The following SLC25A21 variants were observed in gnomAD, a reference collection of about 807,000 sequenced individuals.
SLC25A21 encodes mitochondrial 2-oxodicarboxylate carrier.
In SLC25A21, 47 loss-of-function variants were observed where a neutral mutation model predicts 43.8. The observed-to-expected ratio is 1.07, with a 90% CI of 0.85 to 1.37. The LOEUF (loss-of-function observed/expected upper bound fraction) is 1.37. SLC25A21 is among the 40% of genes most tolerant of loss of function. The pLI is 0.00. For missense variants in SLC25A21, 352 were observed against 350.2 expected, an observed-to-expected ratio of 1.00 and a Z score of -0.04; for synonymous variants, 131 against 121.3, an observed-to-expected ratio of 1.08 and a Z score of -0.52.
intron 6 of SLC25A21, among the ~76,000 whole-genome samples, chr14:36,713,360 T>C (rs1883975391): frequency 6.6e-6 from 1 of 152,206 alleles, no homozygotes; most frequent in African/African-American, 2.4e-5. Flanking sequence ...TGAAAAGAGA[T>C]TTCTCCTAGA....
At chr14:36,737,685 A>G (rs1407160544) in intron 3 of SLC25A21, among the ~76,000 whole-genome samples, 2 of 152,190 alleles carry the variant, frequency 1.3e-5, no homozygotes, top group Non-Finnish European at 2.9e-5. Flanking sequence ...GTATAATATG[A>G]TACAATATGA....
At chr14:36,912,287 T>C (rs532400634) in intron 1 of SLC25A21, among the ~76,000 whole-genome samples, 1 of 152,274 alleles carries the variant, frequency 6.6e-6, no homozygotes, top group East Asian at 1.9e-4. Flanking sequence ...CTACATACTT[T>C]TGTTCTCCAC....
chr14:36,850,904 C>T (rs528866932), intron 2 of SLC25A21, among the ~76,000 whole-genome samples: 1 of 152,270 alleles, frequency 6.6e-6, no homozygotes, highest in East Asian at 1.9e-4. Flanking sequence ...CACACAGGGA[C>T]CACGGCTGGC....
rs142258779 is a variant in SLC25A21 at position 37,109,970 on chromosome 14, A to C, written c.70+62311T>G. The stretch of plus-strand genomic sequence containing the variant: ...CAACTAAATTGCAGCTTAAATGTAC[A>C]TAATGAATGTAAACTATTACAATGT... On this transcript the variant is annotated intron_variant, in intron 1 of 9. Coordinates refer to ENST00000331299, the MANE Select transcript of SLC25A21 (RefSeq NM_030631.4). Among the ~76,000 whole-genome samples the C allele has an allele frequency of 8.7e-3, 1,321 of 152,332 alleles. 14 individuals carry two copies. The highest frequency in any genetic ancestry group is 0.014 in the Non-Finnish European group (942 of 68,038).
At chr14:36,773,128 T>C (rs540029237) in intron 3 of SLC25A21, among the ~76,000 whole-genome samples, 2 of 152,206 alleles carry the variant, frequency 1.3e-5, no homozygotes, top group African/African-American at 4.8e-5. Flanking sequence ...TCATGTTCTT[T>C]CAAAATAAAC....
intron 1 of SLC25A21, among the ~76,000 whole-genome samples, chr14:37,149,371 T>C (rs993167764): frequency 3.3e-5 from 5 of 152,120 alleles, no homozygotes; most frequent in African/African-American, 1.2e-4. Context: ...TTGCTTACCA[T>C]TTTCATATCA....
chr14:36,782,046 T>C (rs1171032747), intron 3 of SLC25A21, among the ~76,000 whole-genome samples: 1 of 152,200 alleles, frequency 6.6e-6, no homozygotes, highest in Non-Finnish European at 1.5e-5. Flanking sequence ...GCATTTTGAC[T>C]ACATCATCCC....
At chr14:36,712,819 T>C (rs546469500) in intron 6 of SLC25A21, among the ~76,000 whole-genome samples, 1 of 152,370 alleles carries the variant, frequency 6.6e-6, no homozygotes, top group East Asian at 1.9e-4. Flanking sequence ...TAAAGTTTAC[T>C]TTCTGTTTGA....
At chr14:36,683,600 G>T (rs529832697) in intron 9 of SLC25A21, among the ~76,000 whole-genome samples, 2 of 152,248 alleles carry the variant, frequency 1.3e-5, no homozygotes, top group South Asian at 2.1e-4. Flanking sequence ...CTGGGTTTTG[G>T]CTTCTGTTAG....
At chr14:37,107,344 A>AT (rs894755351) in intron 1 of SLC25A21, among the ~76,000 whole-genome samples, 14 of 151,870 alleles carry the variant, frequency 9.2e-5, no homozygotes, top group Middle Eastern at 3.4e-3. Flanking sequence ...CACCTGACTA[A>AT]TTTTTTTATT....
chr14:36,787,263 T>C (rs1031389423), intron 3 of SLC25A21, among the ~76,000 whole-genome samples: 1 of 152,144 alleles, frequency 6.6e-6, no homozygotes, highest in Non-Finnish European at 1.5e-5. Context: ...TCAGAATATC[T>C]TGAGAAGCCA....
At chr14:36,841,139 T>A (rs1889371886) in intron 2 of SLC25A21, among the ~76,000 whole-genome samples, 1 of 152,202 alleles carries the variant, frequency 6.6e-6, no homozygotes, top group African/African-American at 2.4e-5. Flanking sequence ...GCCCTTAGTT[T>A]GTCGATTACA....
chr14:36,781,002 C>T (rs1329587920), intron 3 of SLC25A21, among the ~76,000 whole-genome samples: 2 of 152,064 alleles, frequency 1.3e-5, no homozygotes, highest in African/African-American at 4.8e-5. Flanking sequence ...TATTTAGATG[C>T]TCTACTGTTG....
At chr14:36,936,686 C>T (rs997743386) in intron 1 of SLC25A21, among the ~76,000 whole-genome samples, 8 of 152,092 alleles carry the variant, frequency 5.3e-5, no homozygotes, top group Admixed American at 2.6e-4. Flanking sequence ...ATGCCAAGAA[C>T]GGTAATATAA....
chr14:37,019,372 G>A (rs77668323), intron 1 of SLC25A21, among the ~76,000 whole-genome samples: 1,577 of 151,862 alleles, frequency 0.01, 10 homozygotes, highest in African/African-American at 0.025. Context: ...CACTTTTTCA[G>A]AGAGGCCTTC....
At chr14:36,741,895 C>T (rs144438069) in intron 3 of SLC25A21, among the ~76,000 whole-genome samples, 32 of 152,328 alleles carry the variant, frequency 2.1e-4, no homozygotes, top group Admixed American at 5.9e-4. Context: ...ACAATTACTA[C>T]ATTTTATTTT....
Position 36,679,005 on chromosome 14 carries a change from G to GTGT in SLC25A21, c.*1650_*1652dup, listed in dbSNP as rs1451781179. 6.4e-6 allele frequency: 6 copies of GTGT among 938,496 alleles called. No homozygotes were observed. In the African/African-American group the frequency reaches 7.0e-5, roughly 11 times the overall value. 58.1% of individuals were successfully genotyped at this position (938,496 alleles called of 1,614,324 possible). ...TTCCTCTATCTCATAGATGGTAAAA[G>GTGT]TGTTGCTTTTAAACTGGCAAATGCA... On this transcript the variant is annotated 3_prime_UTR_variant, in exon 10 of 10. Coordinates refer to ENST00000331299, the MANE Select transcript of SLC25A21 (RefSeq NM_030631.4).
intron 3 of SLC25A21, among the ~76,000 whole-genome samples, chr14:36,765,554 T>C (rs1347637084): frequency 6.6e-6 from 1 of 152,188 alleles, no homozygotes. Flanking sequence ...GCCAACATTG[T>C]ATATCATGGC....
chr14:37,046,977 A>G (rs1419024469), intron 1 of SLC25A21, among the ~76,000 whole-genome samples: 2 of 152,208 alleles, frequency 1.3e-5, no homozygotes, highest in Non-Finnish European at 2.9e-5. Context: ...TGTCCTTTTC[A>G]TAGTTTGTTT....
Sources: gnomAD v4.1 joint callset for allele counts (sites outside exome capture counted in the v4.1 genomes callset) on GRCh38, gnomAD v4.1.1 for gene constraint, MANE v1.5 for transcripts, NCBI Gene and HGNC (gene_info 2026-07-23, HGNC 2026-07-21) for gene names.